The following DPP6 variants were observed in gnomAD, a reference collection of about 807,000 sequenced individuals.
DPP6 encodes the protein A-type potassium channel modulatory protein DPP6.
In DPP6, 69 loss-of-function variants were observed where a neutral mutation model predicts 122.6. The ratio of observed to expected loss-of-function variants is 0.56; its 90% CI spans 0.46 to 0.69. The LOEUF is 0.69. Ranked by LOEUF, DPP6 falls within the 30% of genes least tolerant of loss-of-function variation. The probability of loss-of-function intolerance (pLI) is 0.00; values close to 1 mark genes in which losing one functional copy is unlikely to be tolerated. For synonymous variants in DPP6, 418 were observed against 433.1 expected (o/e 0.97, Z 0.43); for missense variants, 928 against 1,116.9 (o/e 0.83, Z 2.41).
intron 6 of DPP6, among the ~76,000 whole-genome samples, chr7:154,639,556 C>T (rs554377990): frequency 3.3e-5 from 5 of 152,264 alleles, no homozygotes; most frequent in South Asian, 2.1e-4. Flanking sequence ...TGATGCCTAA[C>T]GTATTGTGTT....
At chr7:154,431,424 A>G (rs760013072) in intron 1 of DPP6, among the ~76,000 whole-genome samples, 1 of 109,286 alleles carries the variant, frequency 9.2e-6, no homozygotes, top group Non-Finnish European at 2.1e-5. Flanking sequence ...ACCTCATGTC[A>G]GGCTCTGTTT....
At chr7:153,922,383 C>T (rs1800680052) in intron 1 of DPP6, among the ~76,000 whole-genome samples, 1 of 151,994 alleles carries the variant, frequency 6.6e-6, no homozygotes, top group Non-Finnish European at 1.5e-5. Context: ...TTTGTATTCC[C>T]AGCTGCTTGG....
At chr7:154,329,363 T>G (rs1442877323) in intron 1 of DPP6, among the ~76,000 whole-genome samples, 1 of 152,252 alleles carries the variant, frequency 6.6e-6, no homozygotes, top group Non-Finnish European at 1.5e-5. Flanking sequence ...CGATGAGCTT[T>G]TCTCATATAT....
rs1823450806 is a variant in DPP6, at chr7:154,483,038, T to C, written c.457+8001T>C. On this transcript the variant is annotated intron_variant, in intron 3 of 25. Coordinates refer to ENST00000377770, the MANE Select transcript of DPP6 (RefSeq NM_130797.4). The surrounding 1 kb of genome is among the most constrained non-coding windows in gnomAD (Gnocchi z 8.1). ...GAAGCCAGGTGAGAGGTTGGAGCCA[T>C]CTGGAGGACCATGGAAAGCGTGGGT... Among the ~76,000 whole-genome samples the C allele has an allele frequency of 2.6e-5, 4 of 152,020 alleles. No individual in the cohort carries two copies. Among genetic ancestry groups the C allele is most frequent in the Non-Finnish European group, 5.9e-5 (4 of 68,012 alleles).
chr7:154,359,519 A>G (rs920400755), intron 1 of DPP6, among the ~76,000 whole-genome samples: 1 of 152,022 alleles, frequency 6.6e-6, no homozygotes, highest in African/African-American at 2.4e-5. Flanking sequence ...TTATGGCACC[A>G]TTGCCTTTCC....
chr7:154,814,507 C>G (rs1174975676), intron 16 of DPP6, among the ~76,000 whole-genome samples: 1 of 152,030 alleles, frequency 6.6e-6, no homozygotes, highest in East Asian at 1.9e-4. Flanking sequence ...CTGGGGATGC[C>G]CAGGACAGGG....
chr7:154,512,825 G>A (rs1826194810), intron 3 of DPP6, among the ~76,000 whole-genome samples: 1 of 152,092 alleles, frequency 6.6e-6, no homozygotes, highest in Non-Finnish European at 1.5e-5. Flanking sequence ...TAAATTTTTT[G>A]AGGACAAAAA....
At chr7:154,762,738 A>T (rs7779740) in intron 8 of DPP6, among the ~76,000 whole-genome samples, 88,417 of 152,076 alleles carry the variant, frequency 0.58, 25,946 homozygotes, top group Non-Finnish European at 0.62. Context: ...TCTCCTGCAG[A>T]TAAAAACTCA....
intron 7 of DPP6, among the ~76,000 whole-genome samples, chr7:154,689,611 C>G (rs56311208): frequency 6.6e-6 from 1 of 151,902 alleles, no homozygotes; most frequent in South Asian, 2.1e-4. Context: ...GGGTGAAATT[C>G]GTCTACACTG....
chr7:153,750,353 A>G, the DPP6 span, among the ~76,000 whole-genome samples: 37 of 149,302 alleles, frequency 2.5e-4, no homozygotes, highest in Non-Finnish European at 4.9e-4. Context: ...GTATTTTAAT[A>G]CAGAGTAGTT....
chr7:153,803,457 C>CG, the DPP6 span, among the ~76,000 whole-genome samples: 27,282 of 151,664 alleles, frequency 0.18, 4,841 homozygotes, highest in African/African-American at 0.47. Context: ...CTTTCTGCCC[C>CG]TGCCTACCTG....
At chr7:154,656,693 G>T (rs144365826) in intron 6 of DPP6, among the ~76,000 whole-genome samples, 60 of 150,268 alleles carry the variant, frequency 4.0e-4, no homozygotes, top group African/African-American at 1.5e-3. Flanking sequence ...TGATGGGTTA[G>T]AGGCTGCGTG....
intron 1 of DPP6, among the ~76,000 whole-genome samples, chr7:153,912,439 A>G (rs1800132739): frequency 6.6e-6 from 1 of 152,152 alleles, no homozygotes; most frequent in South Asian, 2.1e-4. Flanking sequence ...CAAAAAGCTG[A>G]ATCCTCCCCA....
chr7:153,854,436 C>G, the DPP6 span, among the ~76,000 whole-genome samples: 4,093 of 151,062 alleles, frequency 0.027, 79 homozygotes, highest in Non-Finnish European at 0.04. Flanking sequence ...AGGACATGAA[C>G]AGACACTTCT....
chr7:154,699,640 T>G lies in DPP6; in HGVS notation c.763-28127T>G, dbSNP rs3778728. ...CAGACAGCCGGGCCCCTGTGCAGAG[T>G]GTGTGACTCAGTATGTCTGGGGTGG... On this transcript the variant is annotated intron_variant, in intron 7 of 25. Coordinates refer to ENST00000377770, the MANE Select transcript of DPP6 (RefSeq NM_130797.4). Among the ~76,000 whole-genome samples the G allele has an allele frequency of 0.02, 3,044 of 152,062 alleles. 224 individuals are homozygous for G. In the East Asian group the frequency reaches 0.24, roughly 12 times the overall value.
intron 1 of DPP6, among the ~76,000 whole-genome samples, chr7:154,024,528 G>T (rs10275324): frequency 0.076 from 11,494 of 151,946 alleles, 542 homozygotes; most frequent in African/African-American, 0.14. Flanking sequence ...AACAAGCAGA[G>T]GTTTCAAGGG....
intron 1 of DPP6, among the ~76,000 whole-genome samples, chr7:153,992,838 A>G (rs924454595): frequency 3.9e-5 from 6 of 152,098 alleles, no homozygotes; most frequent in African/African-American, 1.2e-4. Flanking sequence ...TCCTCACCCT[A>G]TAAGGGGCCC....
intron 14 of DPP6, among the ~76,000 whole-genome samples, chr7:154,804,210 C>T (rs896152339): frequency 8.5e-5 from 13 of 152,208 alleles, no homozygotes; most frequent in Non-Finnish European, 1.9e-4. Flanking sequence ...ACGCTAGCGG[C>T]AGTAGTAGGG....
intron 1 of DPP6, among the ~76,000 whole-genome samples, chr7:154,412,859 C>T (rs1388709252): frequency 3.9e-5 from 6 of 152,208 alleles, no homozygotes; most frequent in Non-Finnish European, 7.3e-5. Context: ...AGGCAGATGC[C>T]TGGGTGTTCT....
Sources: gnomAD v4.1 joint callset for allele counts (sites outside exome capture counted in the v4.1 genomes callset) on GRCh38, gnomAD v4.1.1 for gene constraint, Gnocchi (gnomAD v3.1) non-coding constraint, MANE v1.5 for transcripts, NCBI Gene and HGNC (gene_info 2026-07-23, HGNC 2026-07-21) for gene names.